HUNK: variants seen among roughly 807,000 people sequenced by gnomAD.
HUNK encodes the protein hormonally up-regulated Neu-associated kinase, also known as hormonally up-regulated neu tumor-associated kinase.
A neutral mutation model predicts 61.0 loss-of-function variants in HUNK; 21 were observed. The ratio of observed to expected loss-of-function variants is 0.34; its 90% CI spans 0.24 to 0.50. HUNK has a LOEUF of 0.50. HUNK is among the 20% of genes least tolerant of loss of function. The probability of loss-of-function intolerance (pLI) is 0.98; values close to 1 mark genes in which losing one functional copy is unlikely to be tolerated. For synonymous variants in HUNK, 371 were observed against 386.1 expected (o/e 0.96, Z 0.46); for missense variants, 772 against 945.7 (o/e 0.82, Z 2.41).
At chr21:31,979,500 T>TG (rs1202626112) in intron 7 of HUNK, among the ~76,000 whole-genome samples, 1 of 150,300 alleles carries the variant, frequency 6.7e-6, no homozygotes, top group Admixed American at 6.7e-5. Flanking sequence ...TTCTGGCTAT[T>TG]GAGTTGTTTG....
At chr21:31,908,151 A>G (rs2052520527) in intron 1 of HUNK, among the ~76,000 whole-genome samples, 1 of 152,184 alleles carries the variant, frequency 6.6e-6, no homozygotes, top group African/African-American at 2.4e-5. Context: ...GACCATAGGC[A>G]ATTGGGCTAA....
At chr21:31,955,484 G>A (rs370899481) in intron 4 of HUNK, among the ~76,000 whole-genome samples, 4 of 151,712 alleles carry the variant, frequency 2.6e-5, no homozygotes, top group East Asian at 3.9e-4. Context: ...CCAGCTACTC[G>A]GGAGGCTGAG....
chr21:31,900,607 C>T (rs565406374), intron 1 of HUNK, among the ~76,000 whole-genome samples: 1 of 152,300 alleles, frequency 6.6e-6, no homozygotes, highest in African/African-American at 2.4e-5. Flanking sequence ...AAGGTCTCCT[C>T]TTCGAGTCTG....
rs1284673687 is a variant in HUNK, at chr21:32,002,255, T to A, written c.*3071T>A. ...GTTGTGCACCACAATGCCTAGCTAA[T>A]TTTTTTTGTATTTTGTAGAAATGGG... is the stretch of plus-strand genomic sequence containing the variant. On this transcript the variant is annotated 3_prime_UTR_variant, in exon 11 of 11. Coordinates refer to ENST00000270112, the MANE Select transcript of HUNK (RefSeq NM_014586.2). 2 of 152,192 alleles carry A rather than the reference T, an allele frequency of 1.3e-5. No individual in the cohort carries two copies. Among genetic ancestry groups the A allele is most frequent in the East Asian group, 1.9e-4 (1 of 5,170 alleles). The allele number at this position is 152,192 out of a possible 1,614,324, so 9.4% of individuals were successfully genotyped here.
intron 8 of HUNK, among the ~76,000 whole-genome samples, chr21:31,987,487 G>C (rs575606548): frequency 6.6e-6 from 1 of 152,352 alleles, no homozygotes; most frequent in South Asian, 2.1e-4. Flanking sequence ...CCCACTGCGA[G>C]TGTGTGTCGG....
In HUNK at chr21:31,952,123, C is replaced by A. The variant is rs2052854375; in HGVS notation, c.746+5952C>A. Among the ~76,000 whole-genome samples, 2 of 151,744 alleles carry A rather than the reference C, an allele frequency of 1.3e-5. 1 individual carries two copies. Among genetic ancestry groups the A allele is most frequent in the South Asian group, 4.2e-4 (2 of 4,810 alleles). On this transcript the variant is annotated intron_variant, in intron 4 of 10. Coordinates refer to ENST00000270112, the MANE Select transcript of HUNK (RefSeq NM_014586.2). Reference sequence around the variant, plus strand: ...TTTGAAATCCGCAAGAAAATAATTTCTTGCTAAACATAGACCATTTAATGG... The same window carrying A: ...TTTGAAATCCGCAAGAAAATAATTTATTGCTAAACATAGACCATTTAATGG...
intron 1 of HUNK, among the ~76,000 whole-genome samples, chr21:31,882,301 G>C (rs1210184466): frequency 6.6e-6 from 1 of 152,162 alleles, no homozygotes; most frequent in Admixed American, 6.5e-5. Context: ...GTGTTTTCAA[G>C]ATGCATTTGG....
chr21:31,988,315 C>T (rs1046386446), intron 8 of HUNK, among the ~76,000 whole-genome samples: 1 of 152,072 alleles, frequency 6.6e-6, no homozygotes, highest in South Asian at 2.1e-4. Flanking sequence ...AGCCCAGGGC[C>T]AGTTTTATTA....
At chr21:31,997,741 A>G (rs927258897) in intron 10 of HUNK, among the ~76,000 whole-genome samples, 1 of 152,190 alleles carries the variant, frequency 6.6e-6, no homozygotes, top group African/African-American at 2.4e-5. Flanking sequence ...CACAATAAAT[A>G]AATTTTTTAA....
rs1324556479 is a variant in HUNK, at chr21:31,992,253, C to T, written c.1305+2077C>T. 2.6e-5 allele frequency among the ~76,000 whole-genome samples: 4 copies of T among 152,326 alleles called. No homozygotes were observed. The East Asian group carries it at 7.7e-4, about 29-fold the overall frequency. ...GAAGACTCTGAAGGGAACCAGCTCTCTGGAGCTCAGACCTCAGAGGCTAAG... is the reference window on the plus strand; with the variant it reads ...GAAGACTCTGAAGGGAACCAGCTCTTTGGAGCTCAGACCTCAGAGGCTAAG... On this transcript the variant is annotated intron_variant, in intron 9 of 10. Transcript: ENST00000270112.
At chr21:31,927,526 G>A (rs1048327976) in intron 2 of HUNK, among the ~76,000 whole-genome samples, 5 of 151,940 alleles carry the variant, frequency 3.3e-5, no homozygotes, top group Admixed American at 3.3e-4. Flanking sequence ...TGCCTGTAGT[G>A]CCAGCTACTC....
At chr21:31,989,324 T>A (rs1021241334) in intron 8 of HUNK, among the ~76,000 whole-genome samples, 5 of 152,200 alleles carry the variant, frequency 3.3e-5, no homozygotes, top group Non-Finnish European at 5.9e-5. Flanking sequence ...AGGCAAATAT[T>A]AAAATATTCA....
At chr21:31,886,617 C>A (rs983239422) in intron 1 of HUNK, among the ~76,000 whole-genome samples, 1 of 152,012 alleles carries the variant, frequency 6.6e-6, no homozygotes, top group African/African-American at 2.4e-5. Context: ...CTGCTCTATT[C>A]CCCGTGCCAA....
In HUNK at chr21:31,999,320, A is replaced by G; in HGVS notation, c.*136A>G. 2 of 812,142 alleles carry G rather than the reference A, an allele frequency of 2.5e-6. No homozygotes were observed. The highest frequency in any genetic ancestry group is 3.8e-6 in the Non-Finnish European group (2 of 519,992). 50.3% of individuals were successfully genotyped at this position (812,142 alleles called of 1,614,324 possible). A position where few individuals can be genotyped will look rare whatever the true frequency, so the allele number is the denominator to read the frequency against. On this transcript the variant is annotated 3_prime_UTR_variant, in exon 11 of 11. Transcript: ENST00000270112. ...CACCTGTAGCTGAATCCACAGACCC[A>G]AAGCCTGCACAACCCAACCTCGCTT...
intron 3 of HUNK, among the ~76,000 whole-genome samples, chr21:31,945,296 A>G (rs1390035798): frequency 6.6e-6 from 1 of 152,204 alleles, no homozygotes; most frequent in Non-Finnish European, 1.5e-5. Context: ...AAGGCATAAT[A>G]GACCCAAAGT....
At chr21:31,975,655 C>T (rs542506917) in intron 7 of HUNK, among the ~76,000 whole-genome samples, 1 of 127,288 alleles carries the variant, frequency 7.9e-6, no homozygotes, top group Non-Finnish European at 1.7e-5. Context: ...CATTTACCAT[C>T]CAGAACATGT....
intron 3 of HUNK, among the ~76,000 whole-genome samples, chr21:31,942,205 G>T (rs535412406): frequency 6.6e-6 from 1 of 152,190 alleles, no homozygotes; most frequent in Non-Finnish European, 1.5e-5. Context: ...GCGAGACTCC[G>T]TCTCAAAAAG....
chr21:31,925,064 C>A (rs2052650791), intron 2 of HUNK, among the ~76,000 whole-genome samples: 1 of 151,922 alleles, frequency 6.6e-6, no homozygotes, highest in Admixed American at 6.6e-5. Flanking sequence ...GCCTGGCTAA[C>A]TTTGTTGTAT....
intron 8 of HUNK, among the ~76,000 whole-genome samples, chr21:31,986,862 A>G (rs577426188): frequency 1.2e-3 from 179 of 152,166 alleles, no homozygotes; most frequent in African/African-American, 4.2e-3. Flanking sequence ...GTCTTATCCT[A>G]TCGATCCTAT....
Sources: allele counts gnomAD v4.1 joint callset (sites outside exome capture counted in the v4.1 genomes callset), GRCh38; gene constraint gnomAD v4.1.1; transcripts MANE v1.5; gene names NCBI Gene and HGNC (gene_info 2026-07-23, HGNC 2026-07-21).